Variants in RAMP1 observed in about 807,000 individuals in gnomAD.
The protein encoded by RAMP1 is receptor activity modifying protein 1.
Under a neutral mutation model 8.2 loss-of-function variants are expected in RAMP1, and 7 were observed. The observed-to-expected ratio is 0.85, with a 90% CI of 0.49 to 1.60. The LOEUF (loss-of-function observed/expected upper bound fraction) is 1.60. Among genes scored for constraint, RAMP1 ranks in the 40% most tolerant of loss-of-function variants. The probability of loss-of-function intolerance (pLI) is 0.00; values close to 1 mark genes in which losing one functional copy is unlikely to be tolerated. For missense variants in RAMP1, 192 were observed against 202.4 expected, an observed-to-expected ratio of 0.95 and a Z score of 0.31; for synonymous variants, 92 against 84.7, an observed-to-expected ratio of 1.09 and a Z score of -0.47.
intron 1 of RAMP1, among the ~76,000 whole-genome samples, chr2:237,867,487 G>A (rs2062200119): frequency 6.6e-6 from 1 of 151,684 alleles, no homozygotes; most frequent in Admixed American, 6.6e-5. Flanking sequence ...TATTTTTGTG[G>A]GGGTGGGGGT....
In RAMP1 at chr2:237,874,155, G is replaced by C. The variant is rs78459517; in HGVS notation, c.53-3069G>C. ...CCAGACCCGGACAGGGGATTGCATG[G>C]GTGGTGGAAGCTAGAACTGGCTGGG... is the stretch of plus-strand genomic sequence containing the variant. On this transcript the variant is annotated intron_variant, in intron 1 of 2. Coordinates refer to ENST00000254661, the MANE Select transcript of RAMP1 (RefSeq NM_005855.4). Among the ~76,000 whole-genome samples, 1,031 of 152,382 alleles carry C rather than the reference G, an allele frequency of 6.8e-3. 7 individuals are homozygous for C. The highest frequency in any genetic ancestry group is 0.024 in the African/African-American group (983 of 41,590).
At chr2:237,883,466 GC>G (rs919899385) in intron 2 of RAMP1, among the ~76,000 whole-genome samples, 6 of 152,142 alleles carry the variant, frequency 3.9e-5, no homozygotes, top group Non-Finnish European at 8.8e-5. Context: ...TGGGAAGGAG[GC>G]CCCCCGTGAT....
At position 237,865,701 on chromosome 2, in the gene RAMP1, C is replaced by T. The variant is rs1351182274; in HGVS notation, c.52+5974C>T. Among the ~76,000 whole-genome samples the T allele has an allele frequency of 6.6e-6, 1 of 152,106 alleles. No homozygotes were observed. Among genetic ancestry groups the T allele is most frequent in the Non-Finnish European group, 1.5e-5 (1 of 68,018 alleles). ...TGTTTCTGGCGGCAGCAGGGCCTGG[C>T]CTATGTCAAATCCTTGCTTGGAGGG... On this transcript the variant is annotated intron_variant, in intron 1 of 2. Transcript: ENST00000254661. This position sits in a 1 kb window ranked among gnomAD's most constrained non-coding sequence, Gnocchi z 4.2.
intron 2 of RAMP1, among the ~76,000 whole-genome samples, chr2:237,892,471 G>A (rs1467936699): frequency 1.3e-5 from 2 of 151,838 alleles, no homozygotes; most frequent in Admixed American, 1.3e-4. Context: ...TGTTGCCCAG[G>A]CTGGTCTTGA....
At chr2:237,891,295 C>A (rs183504768) in intron 2 of RAMP1, among the ~76,000 whole-genome samples, 1 of 152,006 alleles carries the variant, frequency 6.6e-6, no homozygotes, top group Admixed American at 6.6e-5. Context: ...GGACTACAGG[C>A]GCCCGCCACC....
chr2:237,885,011 C>T (rs1200540902), intron 2 of RAMP1, among the ~76,000 whole-genome samples: 3 of 152,236 alleles, frequency 2.0e-5, no homozygotes, highest in African/African-American at 4.8e-5. Context: ...GCATGGCCAG[C>T]GCCAGGCATG....
In RAMP1 at chr2:237,865,157, A is replaced by G. The variant is rs531923418; in HGVS notation, c.52+5430A>G. The stretch of plus-strand genomic sequence containing the variant: ...GGAGTCCTGGAGGCGAAAGTGATGG[A>G]CTCCAGTCCCTGGGCCTGGATGCAG... On this transcript the variant is annotated intron_variant, in intron 1 of 2. Coordinates refer to ENST00000254661, the MANE Select transcript of RAMP1 (RefSeq NM_005855.4). The surrounding 1 kb of genome is among the most constrained non-coding windows in gnomAD (Gnocchi z 4.2). 4.0e-5 allele frequency among the ~76,000 whole-genome samples: 6 copies of G among 151,484 alleles called. No homozygotes were observed. Among genetic ancestry groups the G allele is most frequent in the Admixed American group, 3.9e-4 (6 of 15,196 alleles).
chr2:237,906,136 T>C (rs1417762863), intron 2 of RAMP1, among the ~76,000 whole-genome samples: 1 of 151,762 alleles, frequency 6.6e-6, no homozygotes. Context: ...TAACGTGCAC[T>C]CATTCGTTTT....
chr2:237,881,887 A>G (rs970676643), intron 2 of RAMP1, among the ~76,000 whole-genome samples: 2 of 151,660 alleles, frequency 1.3e-5, no homozygotes, highest in African/African-American at 2.4e-5. Context: ...TTGCCACACA[A>G]TTTTTTTAAT....
chr2:237,888,622 A>G (rs974014044), intron 2 of RAMP1, among the ~76,000 whole-genome samples: 1 of 152,052 alleles, frequency 6.6e-6, no homozygotes, highest in Non-Finnish European at 1.5e-5. Context: ...GACCTTTCCT[A>G]TTTGTCCTGT....
intron 2 of RAMP1, among the ~76,000 whole-genome samples, chr2:237,886,894 C>T (rs555257500): frequency 3.3e-5 from 5 of 152,300 alleles, no homozygotes; most frequent in South Asian, 2.1e-4. Flanking sequence ...CGTCTGGTGG[C>T]GGGGGCTCGT....
intron 2 of RAMP1, among the ~76,000 whole-genome samples, chr2:237,897,937 C>T (rs2062559697): frequency 1.3e-5 from 2 of 151,940 alleles, no homozygotes; most frequent in Admixed American, 1.3e-4. Context: ...TAGATGGGAC[C>T]ACAGGCGTGC....
intron 2 of RAMP1, among the ~76,000 whole-genome samples, chr2:237,898,913 C>T (rs1436917401): frequency 6.6e-6 from 1 of 152,246 alleles, no homozygotes; most frequent in Non-Finnish European, 1.5e-5. Context: ...CCGCTATTCA[C>T]AGAATCCTGG....
intron 2 of RAMP1, among the ~76,000 whole-genome samples, chr2:237,895,476 C>G (rs1372555868): frequency 6.6e-6 from 1 of 152,210 alleles, no homozygotes; most frequent in Non-Finnish European, 1.5e-5. Flanking sequence ...CCTGGCCTTT[C>G]CCCACACTCA....
rs1392055729 is a variant in RAMP1, at chr2:237,862,717, C to G, written c.52+2990C>G. Reference sequence around the variant, plus strand: ...CAGTGCCCCCACCCCCAACTCAGGCCTAGAACCCCTCTTTCCTGACGGTCT... The same window carrying G: ...CAGTGCCCCCACCCCCAACTCAGGCGTAGAACCCCTCTTTCCTGACGGTCT... On this transcript the variant is annotated intron_variant, in intron 1 of 2. Coordinates refer to ENST00000254661, the MANE Select transcript of RAMP1 (RefSeq NM_005855.4). The surrounding 1 kb of genome is among the most constrained non-coding windows in gnomAD (Gnocchi z 4.0). Among the ~76,000 whole-genome samples, 1 of 152,180 alleles carries G rather than the reference C, an allele frequency of 6.6e-6. No homozygotes were observed. Among genetic ancestry groups the G allele is most frequent in the Non-Finnish European group, 1.5e-5 (1 of 68,026 alleles).
At chr2:237,880,037 GA>G (rs2062351389) in intron 2 of RAMP1, among the ~76,000 whole-genome samples, 1 of 148,736 alleles carries the variant, frequency 6.7e-6, no homozygotes. Context: ...AACCAAGAAG[GA>G]AAAGTCCACA....
In RAMP1 at chr2:237,864,975, T is replaced by C. The variant is rs187191824; in HGVS notation, c.52+5248T>C. Among the ~76,000 whole-genome samples the C allele has an allele frequency of 1.6e-3, 240 of 152,112 alleles. 2 individuals carry two copies. Among genetic ancestry groups the C allele is most frequent in the African/African-American group, 5.5e-3 (227 of 41,488 alleles). ...AGCTGGTGCTGGAGGAAAGACCCAT[T>C]CTCTAAGCATTCAGATCTCATTCCT... On this transcript the variant is annotated intron_variant, in intron 1 of 2. Coordinates refer to ENST00000254661, the MANE Select transcript of RAMP1 (RefSeq NM_005855.4).
chr2:237,871,056 G>A (rs1032347835), intron 1 of RAMP1, among the ~76,000 whole-genome samples: 1 of 152,250 alleles, frequency 6.6e-6, no homozygotes. Context: ...AAGCGGCTGT[G>A]TGGGTGGGAG....
intron 2 of RAMP1, among the ~76,000 whole-genome samples, chr2:237,898,711 G>A (rs1478992631): frequency 3.3e-5 from 5 of 152,252 alleles, no homozygotes; most frequent in African/African-American, 4.8e-5. Context: ...GCTCACACAC[G>A]CAGACGTAGG....
Sources: allele counts gnomAD v4.1 joint callset (sites outside exome capture counted in the v4.1 genomes callset), GRCh38; gene constraint gnomAD v4.1.1; non-coding constraint Gnocchi (gnomAD v3.1); transcripts MANE v1.5; gene names NCBI Gene and HGNC (gene_info 2026-07-23, HGNC 2026-07-21).